Variants in TTF1 observed in about 807,000 individuals in gnomAD.
TTF1 encodes the protein transcription termination factor, RNA polymerase I.
Under a neutral mutation model 80.2 loss-of-function variants are expected in TTF1, and 64 were observed. That is an observed-to-expected ratio of 0.80 (90% CI 0.65 to 0.98). The LOEUF is 0.98. Among genes scored for constraint, TTF1 ranks in the 50% least tolerant of loss-of-function variants. The pLI is 0.00. For missense variants in TTF1, 1,023 were observed against 1,086.2 expected (o/e 0.94, Z 0.82); for synonymous variants, 372 against 382.7 (o/e 0.97, Z 0.33).
In TTF1 at chr9:132,384,302, A is replaced by G. The variant is rs570733655; in HGVS notation, c.2378+2254T>C. On this transcript the variant is annotated intron_variant, in intron 9 of 10. Transcript: ENST00000334270. This position sits in a 1 kb window ranked among gnomAD's most constrained non-coding sequence, Gnocchi z 4.1. ...AAATGTATATTACAAAGAAAGAAAA[A>G]TGGAAAATGAGCTAAGAACCCATCT... Among the ~76,000 whole-genome samples, 38 of 152,342 alleles carry G rather than the reference A, an allele frequency of 2.5e-4. No homozygotes were observed. Among genetic ancestry groups the G allele is most frequent in the African/African-American group, 9.1e-4 (38 of 41,584 alleles).
chr9:132,388,327 C>A, intron 7 of TTF1, 99 bp from the exon 8 acceptor site: 1 of 759,920 alleles, frequency 1.3e-6, no homozygotes, highest in Non-Finnish European at 2.0e-6. Flanking sequence ...CATTCAGAAC[C>A]AACTTCTAAC....
Position 132,401,963 on chromosome 9 carries a change from C to A in TTF1, c.859G>T (p.Glu287Ter), listed in dbSNP as rs1359905466. 4.3e-6 allele frequency: 7 copies of A among 1,614,036 alleles called. No homozygotes were observed. The highest frequency in any genetic ancestry group is 5.9e-6 in the Non-Finnish European group (7 of 1,179,998). ...TCAGGCATGGCCAATGCCTCAAATT[C>A]CTGGTGATTGGACTTTTTCTTCTTT... ...KKKKKKSNHQ[E>*]FEALAMPEGS... Residue 287 changes from glutamate (E) to a stop codon, truncating the protein, a stop_gained, in exon 2 of 11, where the codon GAA (glutamate) becomes TAA (stop). Transcript: ENST00000334270. LOFTEE classifies it high-confidence loss of function.
At position 132,406,788 on chromosome 9, in the gene TTF1, A is replaced by C. The variant is rs2131663613; in HGVS notation, c.-8+2T>G. 1 of 152,096 alleles carries C rather than the reference A, an allele frequency of 6.6e-6. No individual in the cohort carries two copies. Among genetic ancestry groups the C allele is most frequent in the African/African-American group, 2.4e-5 (1 of 41,480 alleles). The allele number at this position is 152,096 out of a possible 1,614,324, so 9.4% of individuals were successfully genotyped here. A position where few individuals can be genotyped will look rare whatever the true frequency, so the allele number is the denominator to read the frequency against. On this transcript the variant is annotated splice_donor_variant, in intron 1 of 10. Transcript: ENST00000334270. LOFTEE classifies it low-confidence loss of function (5UTR_SPLICE). ...GAAACAACAAAGGCGCTTTCAACTTACCCTCCGAAAGCGCCGCCACCTTTC... is the reference window on the plus strand; with the variant it reads ...GAAACAACAAAGGCGCTTTCAACTTCCCCTCCGAAAGCGCCGCCACCTTTC...
intron 7 of TTF1, among the ~76,000 whole-genome samples, chr9:132,389,621 A>G (rs372447897): frequency 2.0e-5 from 3 of 152,148 alleles, no homozygotes; most frequent in East Asian, 3.8e-4. Context: ...TTAACACAAA[A>G]TATGTCTACT....
chr9:132,391,320 C>T (rs1056686857), intron 6 of TTF1, among the ~76,000 whole-genome samples: 9 of 152,170 alleles, frequency 5.9e-5, no homozygotes, highest in East Asian at 1.9e-4. Context: ...AAAGTATCAA[C>T]GGTTCACCCT....
intron 1 of TTF1, among the ~76,000 whole-genome samples, chr9:132,405,352 C>T (rs11243766): frequency 0.15 from 22,476 of 152,194 alleles, 2,078 homozygotes; most frequent in East Asian, 0.53. Context: ...GGATTACAGG[C>T]GCAAGCCACC....
intron 8 of TTF1, among the ~76,000 whole-genome samples, chr9:132,387,035 G>C (rs540597575): frequency 1.3e-5 from 2 of 152,232 alleles, no homozygotes; most frequent in South Asian, 4.1e-4. Context: ...GTGGCTCACT[G>C]CAGCCTCGAC....
chr9:132,389,952 A>G (rs1849531943), intron 7 of TTF1, among the ~76,000 whole-genome samples: 3 of 152,130 alleles, frequency 2.0e-5, no homozygotes, highest in Admixed American at 2.0e-4. Flanking sequence ...TCTGTATGTT[A>G]GTTTTCTATC....
chr9:132,400,113 T>C lies in TTF1; in HGVS notation c.1513A>G (p.Ile505Val). Residue 505 changes from isoleucine to valine, a missense_variant, in exon 3 of 11, where the codon ATC (isoleucine) becomes GTC (valine). Transcript: ENST00000334270. ...VKQLQEFIPN[I>V]KDRATSTIKR... ...ATTGTGCTGGTGGCCCTGTCCTTGA[T>C]GTTAGGAATGAACTCCTGAAGCTGT... 2 of 1,614,190 alleles carry C rather than the reference T, an allele frequency of 1.2e-6. No homozygotes were observed. The highest frequency in any genetic ancestry group is 1.1e-5 in the South Asian group (1 of 91,080).
chr9:132,401,156 G>A (rs546378533), intron 2 of TTF1, among the ~76,000 whole-genome samples: 4 of 152,036 alleles, frequency 2.6e-5, no homozygotes, highest in Admixed American at 2.0e-4. Flanking sequence ...AAGGACAAAC[G>A]TCGTCTCTAC....
At chr9:132,382,761 CAAAAAAAA>C (rs55904518) in intron 9 of TTF1, among the ~76,000 whole-genome samples, 2 of 136,940 alleles carry the variant, frequency 1.5e-5, no homozygotes, top group Non-Finnish European at 3.1e-5. Flanking sequence ...ACTAAAAATA[CAAAAAAAA>C]AAAAAAAAAA....
intron 10 of TTF1, among the ~76,000 whole-genome samples, chr9:132,378,700 G>GTGGTGT (rs1849310576): frequency 6.7e-6 from 1 of 148,958 alleles, no homozygotes; most frequent in African/African-American, 2.5e-5. Flanking sequence ...GAGTGCATGT[G>GTGGTGT]GTGTGAGTGC....
At position 132,401,641 on chromosome 9, in the gene TTF1, A is replaced by G; in HGVS notation, c.1181T>C (p.Leu394Pro). ...CACTCGTGCCCTTTTGACAGACGTA[A>G]GCTTCCTTTTCTTAGACTTCTTCTT... ...STKKKSKKRK[L>P]TSVKRARVSG... is the part of the protein sequence containing the mutation. The change falls in exon 2 of 11, where the codon CTT (leucine) becomes CCT (proline). Residue 394 changes from leucine to proline, a missense_variant. Physicochemically the swap from Leu to Pro is moderately conservative, Grantham distance 98. Transcript: ENST00000334270. 1 of 1,614,132 alleles carries G rather than the reference A, an allele frequency of 6.2e-7. No individual in the cohort carries two copies. The highest frequency in any genetic ancestry group is 2.2e-5 in the East Asian group (1 of 44,876).
chr9:132,401,712 C>T lies in TTF1; in HGVS notation c.1110G>A (p.Val370=), dbSNP rs61739380. Reference sequence around the variant, plus strand: ...ACCCTTTAAGAGCTGTACTGCCTTCCACAGTCCCAACCTCACTGCCCACCT... The same window carrying T: ...ACCCTTTAAGAGCTGTACTGCCTTCTACAGTCCCAACCTCACTGCCCACCT... ...GSQVGSEVGT[V]EGSTALKGFK... The change falls in exon 2 of 11, where the codon GTG becomes GTA. Residue 370 remains valine, a synonymous_variant. Coordinates refer to ENST00000334270, the MANE Select transcript of TTF1 (RefSeq NM_007344.4). 1.5e-3 allele frequency: 2,468 copies of T among 1,614,238 alleles called. 24 individuals are homozygous for T. The African/African-American group carries it at 0.029, about 19-fold the overall frequency.
intron 10 of TTF1, among the ~76,000 whole-genome samples, chr9:132,377,916 G>A (rs1224133554): frequency 7.1e-6 from 1 of 141,230 alleles, no homozygotes; most frequent in African/African-American, 2.7e-5. Context: ...GCATGTGTGT[G>A]TGAGTGCATG....
intron 10 of TTF1, among the ~76,000 whole-genome samples, chr9:132,378,223 TGA>T (rs1440955917): frequency 1.7e-5 from 2 of 117,718 alleles, no homozygotes; most frequent in Admixed American, 9.4e-5. Flanking sequence ...ATGTGGTGTG[TGA>T]GTGCATGCAT....
chr9:132,377,939 ATGCATGTGGTGTGAG>A (rs1302305330), intron 10 of TTF1, among the ~76,000 whole-genome samples: 10 of 92,448 alleles, frequency 1.1e-4, no homozygotes, highest in Non-Finnish European at 1.9e-4. Flanking sequence ...GTGCGTGTGA[ATGCATGTGGTGTGAG>A]TGCATGTGGT....
At chr9:132,390,970 A>G in intron 6 of TTF1, 139 bp from the exon 7 acceptor site, 1 of 730,728 alleles carries the variant, frequency 1.4e-6, no homozygotes, top group Non-Finnish European at 2.2e-6. Context: ...AAACACAATT[A>G]TGTGCATATT....
chr9:132,382,683 G>T (rs1849387916), intron 9 of TTF1, among the ~76,000 whole-genome samples: 1 of 151,148 alleles, frequency 6.6e-6, no homozygotes, highest in African/African-American at 2.4e-5. Context: ...TGTAATCCCA[G>T]CACTTTGAGA....
Sources: allele counts gnomAD v4.1 joint callset (sites outside exome capture counted in the v4.1 genomes callset), GRCh38; gene constraint gnomAD v4.1.1; non-coding constraint Gnocchi (gnomAD v3.1); transcripts MANE v1.5; gene names NCBI Gene and HGNC (gene_info 2026-07-23, HGNC 2026-07-21).